SMYD3: variants seen among roughly 807,000 people sequenced by gnomAD.
SMYD3 encodes the protein histone-lysine N-methyltransferase SMYD3.
Under a neutral mutation model 57.7 loss-of-function variants are expected in SMYD3, and 36 were observed. The ratio of observed to expected loss-of-function variants is 0.62; its 90% CI spans 0.48 to 0.82. The LOEUF (loss-of-function observed/expected upper bound fraction) is 0.82, where lower values mean the gene tolerates loss of function less well. Among genes scored for constraint, SMYD3 ranks in the 40% least tolerant of loss-of-function variants. SMYD3 has a pLI of 0.00. For synonymous variants in SMYD3, 211 were observed against 195.0 expected, an observed-to-expected ratio of 1.08 and a Z score of -0.68; for missense variants, 515 against 538.8, an observed-to-expected ratio of 0.96 and a Z score of 0.44.
In SMYD3 at chr1:245,814,502, A is replaced by G. The variant is rs978142479; in HGVS notation, c.1076+43994T>C. ...AAAGAATGCTACTGTTACACCACATACTTGTTTTAAAGTCTTGCCCTTCTA... is the reference window on the plus strand; with the variant it reads ...AAAGAATGCTACTGTTACACCACATGCTTGTTTTAAAGTCTTGCCCTTCTA... On this transcript the variant is annotated intron_variant, in intron 10 of 11. Transcript: ENST00000490107. The G allele has an allele frequency of 4.4e-6, 3 of 676,398 alleles. No homozygotes were observed. In the African/African-American group the frequency reaches 5.9e-5, roughly 13 times the overall value. 41.9% of individuals were successfully genotyped at this position (676,398 alleles called of 1,614,324 possible). A position where few individuals can be genotyped will look rare whatever the true frequency, so the allele number is the denominator to read the frequency against.
chr1:246,198,229 G>T (rs569902097), intron 5 of SMYD3, among the ~76,000 whole-genome samples: 1 of 152,300 alleles, frequency 6.6e-6, no homozygotes, highest in South Asian at 2.1e-4. Flanking sequence ...GTATCACAGG[G>T]ACTAAACCTG....
At chr1:246,260,008 G>A (rs949317965) in intron 5 of SMYD3, among the ~76,000 whole-genome samples, 2 of 152,174 alleles carry the variant, frequency 1.3e-5, no homozygotes, top group Non-Finnish European at 2.9e-5. Context: ...TGCATAAAAG[G>A]GGTAGGGTGA....
intron 5 of SMYD3, among the ~76,000 whole-genome samples, chr1:246,302,872 A>G (rs546128043): frequency 6.6e-6 from 1 of 152,292 alleles, no homozygotes; most frequent in East Asian, 1.9e-4. Context: ...TAGCTTTGTG[A>G]CTCAGAGGTT....
intron 5 of SMYD3, among the ~76,000 whole-genome samples, chr1:246,197,935 ATATT>A (rs1375675411): frequency 6.6e-6 from 1 of 152,228 alleles, no homozygotes; most frequent in Non-Finnish European, 1.5e-5. Flanking sequence ...ACAATTAAAA[ATATT>A]TATTTGTTTG....
rs141298077 is a variant in SMYD3, at chr1:246,414,325, G to A, written c.165-59231C>T. Among the ~76,000 whole-genome samples, 9 of 152,214 alleles carry A rather than the reference G, an allele frequency of 5.9e-5. No homozygotes were observed. In the East Asian group the frequency reaches 1.7e-3, roughly 29 times the overall value. ...TTTTTAAATGTTAAAGATTTTTCTT[G>A]GAAAATATGAAAGGAAAAACTAAGA... On this transcript the variant is annotated intron_variant, in intron 1 of 11. Transcript: ENST00000490107.
chr1:245,754,926 A>T (rs1347659620), intron 11 of SMYD3, among the ~76,000 whole-genome samples: 1 of 152,216 alleles, frequency 6.6e-6, no homozygotes, highest in East Asian at 1.9e-4. Context: ...AGGAGGAACC[A>T]GGTGGCCCCA....
intron 5 of SMYD3, among the ~76,000 whole-genome samples, chr1:246,111,860 G>C (rs2297821): frequency 0.17 from 26,235 of 152,172 alleles, 2,892 homozygotes; most frequent in East Asian, 0.4. Context: ...CCTTGCTTAT[G>C]ATAGACTTCA....
At chr1:245,997,125 G>A (rs2058946087) in intron 5 of SMYD3, among the ~76,000 whole-genome samples, 1 of 139,802 alleles carries the variant, frequency 7.2e-6, no homozygotes, top group Admixed American at 7.1e-5. Context: ...TTAACGAAAT[G>A]AAACACTGGC....
intron 5 of SMYD3, among the ~76,000 whole-genome samples, chr1:246,254,812 C>T (rs1417956791): frequency 1.3e-5 from 2 of 152,166 alleles, no homozygotes; most frequent in African/African-American, 2.4e-5. Flanking sequence ...TTTCTTTCAG[C>T]AGTGTTTTCT....
chr1:246,043,881 T>C (rs2059918716), intron 5 of SMYD3, among the ~76,000 whole-genome samples: 1 of 151,560 alleles, frequency 6.6e-6, no homozygotes, highest in East Asian at 1.9e-4. Context: ...CTACAGAGAG[T>C]GGACTGGATA....
rs572059630 is a variant in SMYD3 at position 246,086,036 on chromosome 1, C to T, written c.532-156099G>A. Among the ~76,000 whole-genome samples, 9 of 150,668 alleles carry T rather than the reference C, an allele frequency of 6.0e-5. No homozygotes were observed. The South Asian group carries it at 8.5e-4, about 14-fold the overall frequency. On this transcript the variant is annotated intron_variant, in intron 5 of 11. Transcript: ENST00000490107. The stretch of plus-strand genomic sequence containing the variant: ...AACAATGTACAAGAATCTAGCATGC[C>T]GAATGACTAGAATTACCATAGGTTG...
chr1:246,092,252 C>A (rs2060836079), intron 5 of SMYD3, among the ~76,000 whole-genome samples: 1 of 152,036 alleles, frequency 6.6e-6, no homozygotes, highest in Admixed American at 6.5e-5. Context: ...GAAATGATTT[C>A]AAAATTCTTA....
intron 5 of SMYD3, among the ~76,000 whole-genome samples, chr1:246,163,623 A>T (rs968676289): frequency 6.6e-6 from 1 of 152,204 alleles, no homozygotes; most frequent in Admixed American, 6.5e-5. Flanking sequence ...ACAAATTCAG[A>T]TTAGGTTTCT....
chr1:245,904,827 A>G (rs947069528), intron 8 of SMYD3, among the ~76,000 whole-genome samples: 5 of 151,662 alleles, frequency 3.3e-5, no homozygotes, highest in African/African-American at 1.2e-4. Flanking sequence ...TGGCTCCAAA[A>G]GAGACCCCTT....
At chr1:245,779,060 T>C (rs2046725371) in intron 10 of SMYD3, among the ~76,000 whole-genome samples, 2 of 149,874 alleles carry the variant, frequency 1.3e-5, no homozygotes, top group African/African-American at 4.9e-5. Flanking sequence ...ATTGAGAGGA[T>C]GAAGCACAAG....
chr1:246,080,478 C>A (rs1205008630), intron 5 of SMYD3, among the ~76,000 whole-genome samples: 1 of 152,156 alleles, frequency 6.6e-6, no homozygotes, highest in South Asian at 2.1e-4. Flanking sequence ...CCCCTCCTCA[C>A]CGCCCCATCC....
intron 5 of SMYD3, among the ~76,000 whole-genome samples, chr1:246,231,544 C>A (rs1390375753): frequency 6.6e-6 from 1 of 152,146 alleles, no homozygotes; most frequent in Non-Finnish European, 1.5e-5. Flanking sequence ...ATAATGTACA[C>A]ACACATTCCA....
At chr1:245,959,173 G>A (rs531698911) in intron 5 of SMYD3, among the ~76,000 whole-genome samples, 3 of 152,172 alleles carry the variant, frequency 2.0e-5, no homozygotes, top group East Asian at 3.9e-4. Context: ...CTCTGGCCAG[G>A]TTGGTCTCAA....
intron 5 of SMYD3, among the ~76,000 whole-genome samples, chr1:246,167,124 T>C (rs1403260492): frequency 6.6e-6 from 1 of 152,234 alleles, no homozygotes; most frequent in African/African-American, 2.4e-5. Context: ...ACTTCATTCA[T>C]TTGATGGCTG....
Sources: allele counts gnomAD v4.1 joint callset (sites outside exome capture counted in the v4.1 genomes callset), GRCh38; gene constraint gnomAD v4.1.1; transcripts MANE v1.5; gene names NCBI Gene and HGNC (gene_info 2026-07-23, HGNC 2026-07-21).